Variants in PCDHGC3 observed in about 807,000 individuals in gnomAD.
The protein encoded by PCDHGC3 is protocadherin gamma-C3.
A neutral mutation model predicts 59.2 loss-of-function variants in PCDHGC3; 26 were observed. The ratio of observed to expected loss-of-function variants is 0.44; its 90% CI spans 0.32 to 0.61. PCDHGC3 has a LOEUF of 0.61. PCDHGC3 is among the 20% of genes least tolerant of loss of function. The probability of loss-of-function intolerance (pLI) is 0.05; values close to 1 mark genes in which losing one functional copy is unlikely to be tolerated. For missense variants in PCDHGC3, 1,080 were observed against 1,221.8 expected (o/e 0.88, Z 1.73); for synonymous variants, 487 against 519.7 (o/e 0.94, Z 0.86).
At chr5:141,502,512 T>C (rs1029375922) in intron 2 of PCDHGC3, among the ~76,000 whole-genome samples, 2 of 152,212 alleles carry the variant, frequency 1.3e-5, no homozygotes, top group East Asian at 1.9e-4. Context: ...CCTGTCCCAC[T>C]ATCAGTGATG....
At chr5:141,492,962 C>A (rs1197532146) in intron 1 of PCDHGC3, among the ~76,000 whole-genome samples, 2 of 152,258 alleles carry the variant, frequency 1.3e-5, no homozygotes, top group African/African-American at 2.4e-5. Flanking sequence ...CTATCTGACA[C>A]TCTAACAAGT....
chr5:141,482,588 C>T (rs559327092), intron 1 of PCDHGC3, among the ~76,000 whole-genome samples: 3 of 147,192 alleles, frequency 2.0e-5, no homozygotes, highest in Admixed American at 6.8e-5. Context: ...GCAGTGGGAC[C>T]AAACGGGAAA....
intron 2 of PCDHGC3, among the ~76,000 whole-genome samples, chr5:141,504,572 A>G (rs184273457): frequency 6.7e-6 from 1 of 148,962 alleles, no homozygotes; most frequent in Admixed American, 6.9e-5. Flanking sequence ...TCTAGGGAAC[A>G]CCATCTGCCC....
Position 141,477,198 on chromosome 5 carries a change from TACCCGAGGATG to T in PCDHGC3, c.1083_1093del (p.Glu363SerfsTer12). 6.2e-7 allele frequency: 1 copy of T among 1,614,194 alleles called. No homozygotes were observed. The highest frequency in any genetic ancestry group is 2.2e-5 in the East Asian group (1 of 44,874). On this transcript the variant is annotated frameshift_variant, in exon 1 of 4. Transcript: ENST00000308177. LOFTEE classifies it high-confidence loss of function. The surrounding 1 kb of genome is among the most constrained non-coding windows in gnomAD (Gnocchi z 4.9). ...ACAGTCACCTCCGTGTACAGCCCAG[TACCCGAGGATG>T]CCCCTCTGGGGACTGTCATCGCTTT...
intron 2 of PCDHGC3, among the ~76,000 whole-genome samples, chr5:141,505,119 G>A (rs371973470): frequency 3.1e-4 from 47 of 152,210 alleles, no homozygotes; most frequent in African/African-American, 1.0e-3. Flanking sequence ...CCAAGATCGC[G>A]CCACTGCACT....
chr5:141,478,291 C>T lies in PCDHGC3; in HGVS notation c.2175C>T (p.Asp725=). 3 of 1,614,144 alleles carry T rather than the reference C, an allele frequency of 1.9e-6. No homozygotes were observed. The highest frequency in any genetic ancestry group is 2.2e-5 in the East Asian group (1 of 44,880). The change falls in exon 1 of 4, where the codon GAC becomes GAT. Residue 725 remains aspartate (D), a synonymous_variant. Coordinates refer to ENST00000308177, the MANE Select transcript of PCDHGC3 (RefSeq NM_002588.4). ...TTTACAAGTGGAAGCAGTCTAGAGA[C>T]CTATACCGAGCCCCGGTGAGCTCAC... ...FKVYKWKQSR[D]LYRAPVSSLY... is the part of the protein sequence containing the mutation.
At position 141,485,685 on chromosome 5, in the gene PCDHGC3, G is replaced by A; in HGVS notation, c.2430+7139G>A. ...GGGAGCAATTCGATTAGCAGCTATA[G>A]GCTGAGCTCCAATGAACACTTTGCA... On this transcript the variant is annotated intron_variant, in intron 1 of 3. Coordinates refer to ENST00000308177, the MANE Select transcript of PCDHGC3 (RefSeq NM_002588.4). This position sits in a 1 kb window ranked among gnomAD's most constrained non-coding sequence, Gnocchi z 5.7. 1.2e-6 allele frequency: 2 copies of A among 1,614,052 alleles called. No homozygotes were observed. The highest frequency in any genetic ancestry group is 1.3e-5 in the African/African-American group (1 of 75,072).
chr5:141,512,241 G>A lies in PCDHGC3; in HGVS notation c.*1068G>A, dbSNP rs533051658. On this transcript the variant is annotated 3_prime_UTR_variant, in exon 4 of 4. Coordinates refer to ENST00000308177, the MANE Select transcript of PCDHGC3 (RefSeq NM_002588.4). ...CCAGGTCCCCTTGAGAGGTCAGAGGGGCCTCTGTGGGTGCTGGGTACTCCA... is the reference window on the plus strand; with the variant it reads ...CCAGGTCCCCTTGAGAGGTCAGAGGAGCCTCTGTGGGTGCTGGGTACTCCA... 1 of 152,866 alleles carries A rather than the reference G, an allele frequency of 6.5e-6. No individual in the cohort carries two copies. The highest frequency in any genetic ancestry group is 2.1e-4 in the South Asian group (1 of 4,824). 9.5% of individuals were successfully genotyped at this position (152,866 alleles called of 1,614,324 possible).
chr5:141,485,525 C>A lies in PCDHGC3; in HGVS notation c.2430+6979C>A. On this transcript the variant is annotated intron_variant, in intron 1 of 3. Transcript: ENST00000308177. This position sits in a 1 kb window ranked among gnomAD's most constrained non-coding sequence, Gnocchi z 5.7. ...CACCGAAGGTCCTTTGGAAATGTAC[C>A]GAGCAGAGGTAGAGATCGTAGATGT... The A allele has an allele frequency of 5.6e-6, 9 of 1,614,122 alleles. No individual in the cohort carries two copies. Among genetic ancestry groups the A allele is most frequent in the Non-Finnish European group, 7.6e-6 (9 of 1,180,022 alleles).
Position 141,489,791 on chromosome 5 carries a change from C to G in PCDHGC3, c.2431-5016C>G. ...AGCCACTTCTCTCTGAATGTGAAGA[C>G]CCTAAAAGATGGGAAGCCATTCCCA... On this transcript the variant is annotated intron_variant, in intron 1 of 3. Transcript: ENST00000308177. The surrounding 1 kb of genome is among the most constrained non-coding windows in gnomAD (Gnocchi z 4.5). 2 of 1,614,174 alleles carry G rather than the reference C, an allele frequency of 1.2e-6. No individual in the cohort carries two copies. The highest frequency in any genetic ancestry group is 1.7e-6 in the Non-Finnish European group (2 of 1,180,002).
In PCDHGC3 at chr5:141,493,026, C is replaced by T. The variant is rs73280358; in HGVS notation, c.2431-1781C>T. 6.6e-6 allele frequency among the ~76,000 whole-genome samples: 1 copy of T among 152,190 alleles called. No individual in the cohort carries two copies. The highest frequency in any genetic ancestry group is 1.5e-5 in the Non-Finnish European group (1 of 68,034). Reference sequence around the variant, plus strand: ...TAGGCTCTGCCAGATGCCAGGGTGCCCTTATGTGTGAGGAAACTACAATAG... The same window carrying T: ...TAGGCTCTGCCAGATGCCAGGGTGCTCTTATGTGTGAGGAAACTACAATAG... On this transcript the variant is annotated intron_variant, in intron 1 of 3. Coordinates refer to ENST00000308177, the MANE Select transcript of PCDHGC3 (RefSeq NM_002588.4). This position sits in a 1 kb window ranked among gnomAD's most constrained non-coding sequence, Gnocchi z 4.3.
rs1173375966 is a variant in PCDHGC3, at chr5:141,511,162, GAGA to G, written c.2800_2802del (p.Lys934del). 16 of 1,614,044 alleles carry G rather than the reference GAGA, an allele frequency of 9.9e-6. No individual in the cohort carries two copies. The highest frequency in any genetic ancestry group is 5.5e-5 in the South Asian group (5 of 91,078). On this transcript the variant is annotated inframe_deletion, in exon 4 of 4. Transcript: ENST00000308177. The stretch of plus-strand genomic sequence containing the variant: ...CAACAAGAAGAAGTCGGGCAAGAAG[GAGA>G]AGAAGTAACATGGAGGCCAGGCCAA...
chr5:141,498,940 A>G (rs527366029), intron 2 of PCDHGC3, among the ~76,000 whole-genome samples: 57 of 140,142 alleles, frequency 4.1e-4, no homozygotes, highest in Non-Finnish European at 7.3e-4. Flanking sequence ...CAGGAAAGAA[A>G]GAAAGAAAAA....
intron 2 of PCDHGC3, among the ~76,000 whole-genome samples, chr5:141,500,666 G>A (rs567881941): frequency 3.6e-4 from 55 of 152,250 alleles, no homozygotes; most frequent in African/African-American, 1.3e-3. Context: ...AGGCCATACT[G>A]TCCAACAGAA....
chr5:141,500,688 T>C (rs2099802014), intron 2 of PCDHGC3, among the ~76,000 whole-genome samples: 1 of 152,224 alleles, frequency 6.6e-6, no homozygotes, highest in Non-Finnish European at 1.5e-5. Flanking sequence ...TATAGCTTTT[T>C]TCTTCTTTGC....
At position 141,477,379 on chromosome 5, in the gene PCDHGC3, A is replaced by T; in HGVS notation, c.1263A>T (p.Pro421=). The part of the protein sequence containing the change: ...TSADLDRETV[P]EYNLSITARD... Reference sequence around the variant, plus strand: ...CAGACCTGGATCGGGAGACTGTGCCAGAATACAACCTCAGCATCACCGCCC... The same window carrying T: ...CAGACCTGGATCGGGAGACTGTGCCTGAATACAACCTCAGCATCACCGCCC... The change falls in exon 1 of 4, where the codon CCA becomes CCT. Residue 421 remains proline, a synonymous_variant. Transcript: ENST00000308177. The surrounding 1 kb of genome is among the most constrained non-coding windows in gnomAD (Gnocchi z 4.9). 1.2e-6 allele frequency: 2 copies of T among 1,614,184 alleles called. No individual in the cohort carries two copies. The highest frequency in any genetic ancestry group is 1.7e-6 in the Non-Finnish European group (2 of 1,180,034).
chr5:141,501,636 C>T (rs2099810310), intron 2 of PCDHGC3, among the ~76,000 whole-genome samples: 1 of 152,130 alleles, frequency 6.6e-6, no homozygotes, highest in South Asian at 2.1e-4. Flanking sequence ...CTCAACCTCT[C>T]TGAGCCCTGT....
chr5:141,492,316 G>C (rs1283387204), intron 1 of PCDHGC3, among the ~76,000 whole-genome samples: 1 of 152,190 alleles, frequency 6.6e-6, no homozygotes. Context: ...CGCACTCCTC[G>C]CACGTGGGCT....
intron 1 of PCDHGC3, among the ~76,000 whole-genome samples, chr5:141,484,740 GA>G (rs1047805396): frequency 6.6e-6 from 1 of 150,760 alleles, no homozygotes; most frequent in Non-Finnish European, 1.5e-5. Context: ...GGTGTGTTAG[GA>G]AAAAAAATGT....
Sources: gnomAD v4.1 joint callset for allele counts (sites outside exome capture counted in the v4.1 genomes callset) on GRCh38, gnomAD v4.1.1 for gene constraint, Gnocchi (gnomAD v3.1) non-coding constraint, MANE v1.5 for transcripts, NCBI Gene and HGNC (gene_info 2026-07-23, HGNC 2026-07-21) for gene names.